The following GARS1 variants were observed in gnomAD, a reference collection of about 807,000 sequenced individuals.
The protein encoded by GARS1 is glycyl-tRNA synthetase 1, also known as glycine--tRNA ligase.
A neutral mutation model predicts 86.4 loss-of-function variants in GARS1; 46 were observed. That is an observed-to-expected ratio of 0.53 (90% CI 0.42 to 0.68). The LOEUF (loss-of-function observed/expected upper bound fraction) is 0.68, where lower values mean the gene tolerates loss of function less well. Among genes scored for constraint, GARS1 ranks in the 30% least tolerant of loss-of-function variants. The probability of loss-of-function intolerance (pLI) is 0.00; values close to 1 mark genes in which losing one functional copy is unlikely to be tolerated. For synonymous variants in GARS1, 342 were observed against 329.8 expected (o/e 1.04, Z -0.40); for missense variants, 797 against 915.6 (o/e 0.87, Z 1.67).
At chr7:30,615,010 A>G (rs929200176) in intron 8 of GARS1, among the ~76,000 whole-genome samples, 2 of 152,222 alleles carry the variant, frequency 1.3e-5, no homozygotes, top group African/African-American at 4.8e-5. Flanking sequence ...TTTTTCTTGA[A>G]AGAAGAGAGA....
At position 30,601,043 on chromosome 7, in the gene GARS1, C is replaced by G. The variant is rs766404526; in HGVS notation, c.428-16C>G. On this transcript the variant is annotated splice_polypyrimidine_tract_variant and intron_variant, in intron 3 of 16. Coordinates refer to ENST00000389266, the MANE Select transcript of GARS1 (RefSeq NM_002047.4). ...GTAACAAGGTAAAGTATGTGTTTTC[C>G]TCTCATATTCTATAGGTGTTAGTGG... The G allele has an allele frequency of 1.2e-6, 2 of 1,613,084 alleles. No homozygotes were observed. Among genetic ancestry groups the G allele is most frequent in the East Asian group, 4.5e-5 (2 of 44,840 alleles).
At chr7:30,618,694 C>G (rs1265478135) in intron 10 of GARS1, among the ~76,000 whole-genome samples, 1 of 152,140 alleles carries the variant, frequency 6.6e-6, no homozygotes, top group Non-Finnish European at 1.5e-5. Context: ...TCTGCCTTCT[C>G]TAGATGATTT....
upstream of GARS1, chr7:30,594,790 C>T (rs1032651070): frequency 2.9e-5 from 22 of 751,032 alleles, no homozygotes; most frequent in Non-Finnish European, 2.1e-5. Flanking sequence ...CCCGGCGCCG[C>T]GTCACGCGGT....
Position 30,621,430 on chromosome 7 carries a change from G to A in GARS1, c.1397G>A (p.Cys466Tyr), listed in dbSNP as rs756498678. 13 of 1,614,094 alleles carry A rather than the reference G, an allele frequency of 8.1e-6. No individual in the cohort carries two copies. Among genetic ancestry groups the A allele is most frequent in the Non-Finnish European group, 1.1e-5 (13 of 1,180,000 alleles). Residue 466 changes from cysteine to tyrosine, a missense_variant, in exon 11 of 17, where the codon TGT (cysteine) becomes TAT (tyrosine). Physicochemically the swap from Cys to Tyr is radical, Grantham distance 194. This residue lies in a region of GARS1 where 598 missense variants were observed against 738.7 expected (regional missense o/e 0.81). Coordinates refer to ENST00000389266, the MANE Select transcript of GARS1 (RefSeq NM_002047.4). ...ATTGTTGGATGTGCTGATCGTTCCT[G>A]TTATGACCTCTCCTGTCATGCACGA... ...IEIVGCADRS[C>Y]YDLSCHARAT...
rs568996672 is a variant in GARS1, at chr7:30,607,186, T to C, written c.736-2399T>C. Among the ~76,000 whole-genome samples, 9 of 152,372 alleles carry C rather than the reference T, an allele frequency of 5.9e-5. No homozygotes were observed. In the South Asian group the frequency reaches 1.9e-3, roughly 32 times the overall value. On this transcript the variant is annotated intron_variant, in intron 6 of 16. Coordinates refer to ENST00000389266, the MANE Select transcript of GARS1 (RefSeq NM_002047.4). The stretch of plus-strand genomic sequence containing the variant: ...CTCTCTGTGTGGTTATGCCATCAGC[T>C]AGATATGCAGTTAGTCCATATATTT...
Position 30,617,168 on chromosome 7 carries a change from C to G in GARS1, c.1249C>G (p.Leu417Val). 2 of 1,614,054 alleles carry G rather than the reference C, an allele frequency of 1.2e-6. No homozygotes were observed. Among genetic ancestry groups the G allele is most frequent in the Non-Finnish European group, 1.7e-6 (2 of 1,179,934 alleles). ...TTTCATTGGCCGCATCTACCTCTAC[C>G]TCACGAAGGTTGGAATATCTCCAGA... ...GYFIGRIYLY[L>V]TKVGISPDKL... is the part of the protein sequence containing the mutation. Residue 417 changes from leucine (L) to valine (V), a missense_variant, in exon 10 of 17, where the codon CTC (leucine) becomes GTC (valine). Coordinates refer to ENST00000389266, the MANE Select transcript of GARS1 (RefSeq NM_002047.4).
intron 6 of GARS1, among the ~76,000 whole-genome samples, chr7:30,604,239 G>C (rs1396771528): frequency 6.6e-6 from 1 of 152,156 alleles, no homozygotes; most frequent in Non-Finnish European, 1.5e-5. Context: ...CTGGGAAGAT[G>C]CATGTGCTCA....
rs190207162 is a variant in GARS1, at chr7:30,617,015, T to C, written c.1195-99T>C. The C allele has an allele frequency of 3.9e-5, 46 of 1,188,282 alleles. No homozygotes were observed. In the Admixed American group the frequency reaches 5.7e-4, roughly 15 times the overall value. 73.6% of individuals were successfully genotyped at this position (1,188,282 alleles called of 1,614,324 possible). A position where few individuals can be genotyped will look rare whatever the true frequency, so the allele number is the denominator to read the frequency against. ...AGTTTGTGTTGGGTGTCAAATATTT[T>C]TCAGTAGAGTGAGTCAATGGAAACC... On this transcript the variant is annotated intron_variant, in intron 9 of 16. Transcript: ENST00000389266.
At position 30,615,890 on chromosome 7, in the gene GARS1, T is replaced by C. The variant is rs753559175; in HGVS notation, c.1032-6T>C. On this transcript the variant is annotated splice_region_variant and splice_polypyrimidine_tract_variant and intron_variant, in intron 8 of 16. Coordinates refer to ENST00000389266, the MANE Select transcript of GARS1 (RefSeq NM_002047.4). ...GCAGGTTTATCGCTTACGTTTTTGC[T>C]TTCAGAGAATTCACAATGGCAGAAA... is the stretch of plus-strand genomic sequence containing the variant. 1.9e-6 allele frequency: 3 copies of C among 1,614,068 alleles called. No individual in the cohort carries two copies. The highest frequency in any genetic ancestry group is 2.5e-6 in the Non-Finnish European group (3 of 1,180,024).
In GARS1 at chr7:30,598,791, G is replaced by T. The variant is rs917554333; in HGVS notation, c.223-5G>T. The T allele has an allele frequency of 4.3e-6, 7 of 1,609,398 alleles. No individual in the cohort carries two copies. The highest frequency in any genetic ancestry group is 6.0e-6 in the Non-Finnish European group (7 of 1,175,758). On this transcript the variant is annotated splice_region_variant and splice_polypyrimidine_tract_variant and intron_variant, in intron 1 of 16. Transcript: ENST00000389266. ...TCCTGAATATAAATTCTCTTTCTTG[G>T]CTAGGGAGATCTTGTGCGAAAACTC... is the stretch of plus-strand genomic sequence containing the variant.
Position 30,598,704 on chromosome 7 carries a change from T to C in GARS1, c.223-92T>C. On this transcript the variant is annotated intron_variant, in intron 1 of 16. Coordinates refer to ENST00000389266, the MANE Select transcript of GARS1 (RefSeq NM_002047.4). ...TGGCCTGAATTGCATCATTCTTACA[T>C]AGACTTTTTAAAAGGCACGCTTAAA... 5.6e-6 allele frequency: 6 copies of C among 1,073,658 alleles called. No homozygotes were observed. The Middle Eastern group carries it at 5.9e-4, about 105-fold the overall frequency. 66.5% of individuals were successfully genotyped at this position (1,073,658 alleles called of 1,614,324 possible). A position where few individuals can be genotyped will look rare whatever the true frequency, so the allele number is the denominator to read the frequency against.
intron 14 of GARS1, among the ~76,000 whole-genome samples, chr7:30,629,846 A>G (rs1401597032): frequency 1.3e-5 from 2 of 152,222 alleles, no homozygotes; most frequent in Admixed American, 1.3e-4. Context: ...ACATAACTGC[A>G]TGTGTTCTTT....
Position 30,601,046 on chromosome 7 carries a change from T to A in GARS1, c.428-13T>A, listed in dbSNP as rs373782750. The A allele has an allele frequency of 1.1e-4, 181 of 1,613,448 alleles. No homozygotes were observed. Among genetic ancestry groups the A allele is most frequent in the Non-Finnish European group, 1.4e-4 (166 of 1,179,492 alleles). ...ACAAGGTAAAGTATGTGTTTTCCTC[T>A]CATATTCTATAGGTGTTAGTGGTCT... On this transcript the variant is annotated splice_polypyrimidine_tract_variant and intron_variant, in intron 3 of 16. Coordinates refer to ENST00000389266, the MANE Select transcript of GARS1 (RefSeq NM_002047.4).
At position 30,621,759 on chromosome 7, in the gene GARS1, G is replaced by C. The variant is rs915172546; in HGVS notation, c.1467+259G>C. On this transcript the variant is annotated intron_variant, in intron 11 of 16. Coordinates refer to ENST00000389266, the MANE Select transcript of GARS1 (RefSeq NM_002047.4). The stretch of plus-strand genomic sequence containing the variant: ...AAATGCTCTGAATATCTTTCAGAAC[G>C]TTAATAGTTTTTCTCAGCTGTTTCC... 29 of 550,808 alleles carry C rather than the reference G, an allele frequency of 5.3e-5. No homozygotes were observed. In the African/African-American group the frequency reaches 5.5e-4, roughly 10 times the overall value. The allele number at this position is 550,808 out of a possible 1,614,324, so 34.1% of individuals were successfully genotyped here.
At chr7:30,610,091 C>T (rs978570263) in intron 7 of GARS1, among the ~76,000 whole-genome samples, 5 of 152,166 alleles carry the variant, frequency 3.3e-5, no homozygotes, top group African/African-American at 4.8e-5. Context: ...TACTGTCCAA[C>T]GGAACTTTCT....
Position 30,632,016 on chromosome 7 carries a change from C to T in GARS1, c.1904-231C>T, listed in dbSNP as rs1326997593. Reference sequence around the variant, plus strand: ...TCACCTTCTGGCCTTGGCTCTTGGTCCCATATTTGTTCCCCCTATAGCTGT... The same window carrying T: ...TCACCTTCTGGCCTTGGCTCTTGGTTCCATATTTGTTCCCCCTATAGCTGT... On this transcript the variant is annotated intron_variant, in intron 15 of 16. Coordinates refer to ENST00000389266, the MANE Select transcript of GARS1 (RefSeq NM_002047.4). The surrounding 1 kb of genome is among the most constrained non-coding windows in gnomAD (Gnocchi z 4.1). The T allele has an allele frequency of 1.9e-6, 1 of 529,486 alleles. No individual in the cohort carries two copies. The highest frequency in any genetic ancestry group is 2.0e-5 in the South Asian group (1 of 49,114). The allele number at this position is 529,486 out of a possible 1,614,324, so 32.8% of individuals were successfully genotyped here. A position where few individuals can be genotyped will look rare whatever the true frequency, so the allele number is the denominator to read the frequency against.
chr7:30,612,327 T>A, intron 8 of GARS1, 82 bp downstream of exon 8: 1 of 1,215,758 alleles, frequency 8.2e-7, no homozygotes, highest in Non-Finnish European at 1.2e-6. Flanking sequence ...TTGAAGCAAT[T>A]CTGCTTCATA....
intron 3 of GARS1, among the ~76,000 whole-genome samples, chr7:30,600,262 T>G (rs1791346042): frequency 6.6e-6 from 1 of 152,208 alleles, no homozygotes; most frequent in African/African-American, 2.4e-5. Context: ...CTTTTTTTGA[T>G]TAGGATGTAG....
At chr7:30,625,252 A>G (rs146718971) in intron 12 of GARS1, among the ~76,000 whole-genome samples, 20 of 152,068 alleles carry the variant, frequency 1.3e-4, no homozygotes, top group African/African-American at 4.6e-4. Flanking sequence ...CCCAATTGCA[A>G]CTCTTTTATA....
Sources: gnomAD v4.1 joint callset for allele counts (sites outside exome capture counted in the v4.1 genomes callset) on GRCh38, gnomAD v4.1.1 for gene constraint, gnomAD v4.1.1 regional missense constraint, Gnocchi (gnomAD v3.1) non-coding constraint, MANE v1.5 for transcripts, NCBI Gene and HGNC (gene_info 2026-07-23, HGNC 2026-07-21) for gene names.